UTRN: variants seen among roughly 807,000 people sequenced by gnomAD.
The protein encoded by UTRN is dystrophin-related protein 1.
In UTRN, 283 loss-of-function variants were observed where a neutral mutation model predicts 463.9. The observed-to-expected ratio is 0.61, with a 90% confidence interval of 0.55 to 0.67. The LOEUF is 0.67. UTRN is among the 30% of genes least tolerant of loss of function. UTRN has a pLI of 0.00. For missense variants in UTRN, 3,922 were observed against 4,084.3 expected (o/e 0.96, Z 1.08); for synonymous variants, 1,442 against 1,431.5 (o/e 1.01, Z -0.17).
chr6:144,670,349 G>T (rs1320338282), intron 51 of UTRN, among the ~76,000 whole-genome samples: 1 of 151,938 alleles, frequency 6.6e-6, no homozygotes, highest in African/African-American at 2.4e-5. Context: ...TCACATTGTG[G>T]TTTTGATTTG....
chr6:144,828,682 C>G, intron 68 of UTRN, 108 bp from the exon 69 acceptor site: 7 of 1,095,074 alleles, frequency 6.4e-6, no homozygotes, highest in Non-Finnish European at 1.4e-6. Context: ...TTGGATCTTT[C>G]TATGTTTTGT....
intron 73 of UTRN, among the ~76,000 whole-genome samples, chr6:144,842,064 C>T (rs930685330): frequency 1.0e-4 from 14 of 134,358 alleles, no homozygotes; most frequent in Non-Finnish European, 2.1e-4. Context: ...GAGCCGAGAT[C>T]GTGCCACCGC....
At chr6:144,482,114 C>A in intron 26 of UTRN, 95 bp from the exon 27 acceptor site, 1 of 1,133,488 alleles carries the variant, frequency 8.8e-7, no homozygotes, top group Non-Finnish European at 1.2e-6. Flanking sequence ...GATGTTTTAA[C>A]TTTGGTTTAA....
chr6:144,558,460 C>A (rs1799576769), intron 50 of UTRN, among the ~76,000 whole-genome samples: 1 of 152,032 alleles, frequency 6.6e-6, no homozygotes, highest in African/African-American at 2.4e-5. Context: ...TATCATAACT[C>A]AGGCAGGGAA....
rs376794689 is a variant in UTRN, at chr6:144,650,317, G to A, written c.7480-28089G>A. On this transcript the variant is annotated intron_variant, in intron 51 of 74. Transcript: ENST00000367545. ...GGGACACAGCCAAACCATATCAGGAGGTGGAAGAGAAAAGAAGCAAGAAAT... is the reference window on the plus strand; with the variant it reads ...GGGACACAGCCAAACCATATCAGGAAGTGGAAGAGAAAAGAAGCAAGAAAT... 5.3e-5 allele frequency among the ~76,000 whole-genome samples: 8 copies of A among 152,240 alleles called. No homozygotes were observed. The East Asian group carries it at 9.6e-4, about 18-fold the overall frequency.
At chr6:144,517,254 A>G (rs758815943) in intron 39 of UTRN, among the ~76,000 whole-genome samples, 1 of 152,078 alleles carries the variant, frequency 6.6e-6, no homozygotes, top group Non-Finnish European at 1.5e-5. Flanking sequence ...GGTCTTGTCT[A>G]TGTCAAAAAA....
chr6:144,561,175 A>G (rs1799829697), intron 50 of UTRN, among the ~76,000 whole-genome samples: 2 of 138,228 alleles, frequency 1.4e-5, no homozygotes, highest in South Asian at 4.4e-4. Flanking sequence ...TTAGCTGTAT[A>G]TATTTTGGCA....
At chr6:144,676,045 A>G (rs1445168658) in intron 51 of UTRN, among the ~76,000 whole-genome samples, 2 of 151,950 alleles carry the variant, frequency 1.3e-5, no homozygotes, top group African/African-American at 2.4e-5. Flanking sequence ...ATAAAGATAA[A>G]CTATTTTTCT....
At chr6:144,456,626 C>G (rs1017543838) in intron 19 of UTRN, among the ~76,000 whole-genome samples, 1 of 149,538 alleles carries the variant, frequency 6.7e-6, no homozygotes, top group African/African-American at 2.5e-5. Context: ...ACACTCCAGC[C>G]TGGTGACAGA....
At chr6:144,484,308 A>G (rs1417403073) in intron 27 of UTRN, among the ~76,000 whole-genome samples, 1 of 151,986 alleles carries the variant, frequency 6.6e-6, no homozygotes, top group East Asian at 1.9e-4. Context: ...TACATTGCAA[A>G]CTTTTACATC....
chr6:144,657,250 C>CA (rs11400052), intron 51 of UTRN, among the ~76,000 whole-genome samples: 5,388 of 68,048 alleles, frequency 0.079, 260 homozygotes, highest in Non-Finnish European at 0.1. Context: ...AACTCCATCT[C>CA]AAAAAAAAAA....
intron 2 of UTRN, among the ~76,000 whole-genome samples, chr6:144,359,660 AT>A (rs1332921756): frequency 2.7e-5 from 4 of 149,550 alleles, no homozygotes; most frequent in East Asian, 2.0e-4. Context: ...CATCTATTAT[AT>A]TTTTTTTATT....
At chr6:144,708,277 G>A in intron 53 of UTRN, 3 of 658,512 alleles carry the variant, frequency 4.6e-6, no homozygotes, top group Non-Finnish European at 5.8e-6. Context: ...TTGCAATAGA[G>A]TTGTAAGTAC....
At position 144,554,728 on chromosome 6, in the gene UTRN, CGTTGAGCTAAGACA is replaced by C; in HGVS notation, c.6971_6984del (p.Val2324AlafsTer4). 6.2e-7 allele frequency: 1 copy of C among 1,613,878 alleles called. No homozygotes were observed. The highest frequency in any genetic ancestry group is 8.5e-7 in the Non-Finnish European group (1 of 1,179,950). ...ACCAGTGGGATGGCACCCAGCATGG[CGTTGAGCTAAGACA>C]GCAGCAGCTTGAGGACATGATTATT... On this transcript the variant is annotated frameshift_variant, in exon 49 of 75. Coordinates refer to ENST00000367545, the MANE Select transcript of UTRN (RefSeq NM_007124.3). LOFTEE classifies it high-confidence loss of function.
chr6:144,326,778 A>G (rs1332759931), intron 2 of UTRN, among the ~76,000 whole-genome samples: 1 of 152,146 alleles, frequency 6.6e-6, no homozygotes, highest in Non-Finnish European at 1.5e-5. Flanking sequence ...CCCTCACAGA[A>G]TCTTAGATCT....
In UTRN at chr6:144,510,983, A is replaced by G. The variant is rs143767483; in HGVS notation, c.4804A>G (p.Asn1602Asp). ...TCTGGAAAAGAGAAAAGCTGATTTAAATACCATCACAGAGAGTAGTGCTGC... is the reference window on the plus strand; with the variant it reads ...TCTGGAAAAGAGAAAAGCTGATTTAGATACCATCACAGAGAGTAGTGCTGC... Reference protein sequence around the residue: ...KDLEKRKADLNTITESSAALQ... With the variant: ...KDLEKRKADLDTITESSAALQ... The change falls in exon 35 of 75, where the codon AAT becomes GAT. Residue 1602 changes from asparagine (N) to aspartate (D), a missense_variant. Physicochemically the swap from Asn to Asp is conservative, Grantham distance 23 (BLOSUM62 1). Coordinates refer to ENST00000367545, the MANE Select transcript of UTRN (RefSeq NM_007124.3). 6.2e-6 allele frequency: 10 copies of G among 1,607,774 alleles called. No individual in the cohort carries two copies. The African/African-American group carries it at 1.2e-4, about 19-fold the overall frequency.
At chr6:144,535,993 T>A (rs529353887) in intron 43 of UTRN, among the ~76,000 whole-genome samples, 1 of 152,300 alleles carries the variant, frequency 6.6e-6, no homozygotes, top group African/African-American at 2.4e-5. Flanking sequence ...TTGTCCAGGC[T>A]GGTCTCGAAC....
chr6:144,472,656 A>G (rs1790779556), intron 23 of UTRN, among the ~76,000 whole-genome samples: 1 of 152,188 alleles, frequency 6.6e-6, no homozygotes, highest in Non-Finnish European at 1.5e-5. Context: ...GGAATTGGGA[A>G]CATGTAATCA....
chr6:144,590,007 C>T (rs1802853010), intron 51 of UTRN, among the ~76,000 whole-genome samples: 1 of 151,880 alleles, frequency 6.6e-6, no homozygotes, highest in African/African-American at 2.4e-5. Flanking sequence ...ACTGTGCATG[C>T]CACCACACCG....
Sources: gnomAD v4.1 joint callset for allele counts (sites outside exome capture counted in the v4.1 genomes callset) on GRCh38, gnomAD v4.1.1 for gene constraint, MANE v1.5 for transcripts, NCBI Gene and HGNC (gene_info 2026-07-23, HGNC 2026-07-21) for gene names.